Variants in LRRC69 observed in about 807,000 individuals in gnomAD.
The protein encoded by LRRC69 is leucine rich repeat containing 69, also known as leucine-rich repeat-containing protein 69.
In LRRC69, 42 loss-of-function variants were observed where a neutral mutation model predicts 37.8. The ratio of observed to expected loss-of-function variants is 1.11; its 90% CI spans 0.87 to 1.44. The LOEUF (loss-of-function observed/expected upper bound fraction) is 1.44. LRRC69 is among the 40% of genes most tolerant of loss of function. The probability of loss-of-function intolerance (pLI) is 0.00; values close to 1 mark genes in which losing one functional copy is unlikely to be tolerated. For missense variants in LRRC69, 357 were observed against 401.9 expected, an observed-to-expected ratio of 0.89 and a Z score of 0.96; for synonymous variants, 141 against 143.1, an observed-to-expected ratio of 0.99 and a Z score of 0.11.
chr8:91,157,394 T>C (rs1016745659), intron 5 of LRRC69: 4 of 1,607,574 alleles, frequency 2.5e-6, no homozygotes, highest in South Asian at 2.2e-5. Flanking sequence ...CTAGCTAAGA[T>C]GTATTATTCT....
At chr8:91,180,882 G>A (rs1809312494) in intron 5 of LRRC69, among the ~76,000 whole-genome samples, 1 of 152,086 alleles carries the variant, frequency 6.6e-6, no homozygotes, top group African/African-American at 2.4e-5. Context: ...GGGAAAGAAT[G>A]AAGAAGAACA....
chr8:91,106,968 AT>A (rs764290838), intron 1 of LRRC69, among the ~76,000 whole-genome samples: 8,035 of 136,886 alleles, frequency 0.059, 339 homozygotes, highest in African/African-American at 0.12. Context: ...AATTAAAAAA[AT>A]TTTTTTTTTT....
In LRRC69 at chr8:91,176,134, A is replaced by ATATATTTTT; in HGVS notation, c.652-13387_652-13386insATATTTTTT. Among the ~76,000 whole-genome samples, 136 of 75,686 alleles carry ATATATTTTT rather than the reference A, an allele frequency of 1.8e-3. 2 individuals are homozygous for ATATATTTTT. Among genetic ancestry groups the ATATATTTTT allele is most frequent in the African/African-American group, 5.7e-3 (93 of 16,426 alleles). 49.7% of individuals were successfully genotyped at this position (75,686 alleles called of 152,430 possible). Reference sequence around the variant, plus strand: ...ATCCCTCATATATATATATATATATATTTTTTTTTTTTCTTTTTTTTGAGA... The same window carrying ATATATTTTT: ...ATCCCTCATATATATATATATATATATATATTTTTTTTTTTTTTTTTCTTTTTTTTGAGA... On this transcript the variant is annotated intron_variant, in intron 5 of 7. Coordinates refer to ENST00000448384, the Ensembl canonical transcript of LRRC69.
chr8:91,165,940 A>C (rs1809020834), intron 5 of LRRC69, among the ~76,000 whole-genome samples: 1 of 151,754 alleles, frequency 6.6e-6, no homozygotes, highest in South Asian at 2.1e-4. Context: ...CTAGTGAGCA[A>C]GATTTTGGTA....
intron 5 of LRRC69, among the ~76,000 whole-genome samples, chr8:91,169,611 G>A (rs945337558): frequency 6.8e-6 from 1 of 147,922 alleles, no homozygotes; most frequent in African/African-American, 2.5e-5. Flanking sequence ...ATGCTGGTGC[G>A]CTGCACCCAC....
chr8:91,176,001 T>C (rs1182608313), intron 5 of LRRC69, among the ~76,000 whole-genome samples: 5 of 151,354 alleles, frequency 3.3e-5, no homozygotes, highest in Non-Finnish European at 5.9e-5. Context: ...TGTAGGTATC[T>C]CTATTACAGA....
At chr8:91,145,404 G>A (rs1237772786) in intron 5 of LRRC69, among the ~76,000 whole-genome samples, 1 of 151,876 alleles carries the variant, frequency 6.6e-6, no homozygotes, top group African/African-American at 2.4e-5. Context: ...CTTTTGATTA[G>A]CAGCATTAGA....
intron 1 of LRRC69, among the ~76,000 whole-genome samples, chr8:91,108,427 A>G (rs1293094352): frequency 1.3e-5 from 2 of 152,078 alleles, no homozygotes; most frequent in Non-Finnish European, 2.9e-5. Context: ...TTAATGAAAC[A>G]TACAAATAAG....
At chr8:91,115,488 A>G (rs1322203471) in intron 1 of LRRC69, among the ~76,000 whole-genome samples, 2 of 151,972 alleles carry the variant, frequency 1.3e-5, no homozygotes, top group Non-Finnish European at 2.9e-5. Flanking sequence ...CTGTGGAAAG[A>G]AATACTATTT....
intron 5 of LRRC69, among the ~76,000 whole-genome samples, chr8:91,174,278 C>CA (rs1809187500): frequency 6.6e-6 from 1 of 151,956 alleles, no homozygotes; most frequent in Non-Finnish European, 1.5e-5. Context: ...ATATGAAAAG[C>CA]TAAAAAACAG....
At chr8:91,165,327 G>A (rs530584701) in intron 5 of LRRC69, among the ~76,000 whole-genome samples, 1 of 151,762 alleles carries the variant, frequency 6.6e-6, no homozygotes, top group East Asian at 1.9e-4. Flanking sequence ...AGAAGGCACT[G>A]GGTTAGTAAA....
At chr8:91,151,071 G>T (rs1305251241) in intron 5 of LRRC69, among the ~76,000 whole-genome samples, 2 of 150,736 alleles carry the variant, frequency 1.3e-5, no homozygotes, top group Non-Finnish European at 1.5e-5. Context: ...AGGGTTTTTT[G>T]TGTCTCTATT....
At chr8:91,207,374 T>A (rs1047747797) in intron 7 of LRRC69, among the ~76,000 whole-genome samples, 1 of 152,210 alleles carries the variant, frequency 6.6e-6, no homozygotes, top group African/African-American at 2.4e-5. Context: ...AGGTGCTTAA[T>A]AAGTATTTTT....
chr8:91,218,357 T>A (rs201858244), intron 7 of LRRC69, among the ~76,000 whole-genome samples: 1 of 11,586 alleles, frequency 8.6e-5, no homozygotes, highest in African/African-American at 2.5e-3. Context: ...TTTGTACAAA[T>A]TATTTTGAAG....
At chr8:91,145,962 G>A (rs1808612081) in intron 5 of LRRC69, among the ~76,000 whole-genome samples, 1 of 151,680 alleles carries the variant, frequency 6.6e-6, no homozygotes, top group Admixed American at 6.6e-5. Context: ...TCAAATTCTT[G>A]TTTTAAAAAT....
rs539901618 is a variant in LRRC69, at chr8:91,126,909, C to T, written c.311-179C>T. Reference sequence around the variant, plus strand: ...CAGGCACAGTGACTTAGATTTGTAACTTTGTGATAAATTACTCCTTTTTGC... The same window carrying T: ...CAGGCACAGTGACTTAGATTTGTAATTTTGTGATAAATTACTCCTTTTTGC... On this transcript the variant is annotated intron_variant, in intron 2 of 7. Coordinates refer to ENST00000448384, the Ensembl canonical transcript of LRRC69. Among the ~76,000 whole-genome samples the T allele has an allele frequency of 5.2e-4, 79 of 152,062 alleles. 1 individual carries two copies. The highest frequency in any genetic ancestry group is 1.9e-3 in the African/African-American group (77 of 41,528).
At chr8:91,111,166 A>C (rs1465494798) in intron 1 of LRRC69, among the ~76,000 whole-genome samples, 2 of 152,146 alleles carry the variant, frequency 1.3e-5, no homozygotes, top group Admixed American at 6.6e-5. Context: ...GAATCAACAT[A>C]AATGCCCATC....
intron 5 of LRRC69, among the ~76,000 whole-genome samples, chr8:91,157,116 T>C (rs1199002971): frequency 1.3e-5 from 2 of 151,320 alleles, no homozygotes; most frequent in Non-Finnish European, 1.5e-5. Flanking sequence ...TGTGGTTCCA[T>C]ATAAATTTTA....
At chr8:91,194,561 C>T (rs1809560504) in intron 6 of LRRC69, among the ~76,000 whole-genome samples, 1 of 151,024 alleles carries the variant, frequency 6.6e-6, no homozygotes, top group African/African-American at 2.4e-5. Flanking sequence ...CAACTTCTTC[C>T]TGGTTTAGTC....
Sources: gnomAD v4.1 joint callset for allele counts (sites outside exome capture counted in the v4.1 genomes callset) on GRCh38, gnomAD v4.1.1 for gene constraint, MANE v1.5 for transcripts, NCBI Gene and HGNC (gene_info 2026-07-23, HGNC 2026-07-21) for gene names.